Variants in CAMK2D observed in about 807,000 individuals in gnomAD.
CAMK2D encodes calcium/calmodulin dependent protein kinase II delta.
CAMK2D carries 37 observed loss-of-function variants against 84.0 expected under a neutral mutation model. The observed-to-expected ratio is 0.44, with a 90% CI of 0.34 to 0.58. The LOEUF (loss-of-function observed/expected upper bound fraction) is 0.58. Ranked by LOEUF, CAMK2D falls within the 20% of genes least tolerant of loss-of-function variation. CAMK2D has a pLI of 0.02. For synonymous variants in CAMK2D, 202 were observed against 212.5 expected (o/e 0.95, Z 0.43); for missense variants, 448 against 652.5 (o/e 0.69, Z 3.41).
At chr4:113,601,927 G>A (rs2154260707) in intron 4 of CAMK2D, among the ~76,000 whole-genome samples, 1 of 151,950 alleles carries the variant, frequency 6.6e-6, no homozygotes, top group East Asian at 1.9e-4. Context: ...GAACTCCTGG[G>A]CTTAAGCGAT....
intron 16 of CAMK2D, among the ~76,000 whole-genome samples, chr4:113,498,837 A>G (rs2097984119): frequency 6.6e-6 from 1 of 152,210 alleles, no homozygotes; most frequent in Non-Finnish European, 1.5e-5. Flanking sequence ...AATAGCAATG[A>G]TCCTGAACCA....
rs936761550 is a variant in CAMK2D, at chr4:113,454,013, A to C, written c.*532T>G. On this transcript the variant is annotated 3_prime_UTR_variant, in exon 21 of 21. Coordinates refer to ENST00000511664, the MANE Select transcript of CAMK2D (RefSeq NM_001321571.2). ...TCCCACTTTAATTGTTAATCAGCAAAACTTTCAATGAAAAATCATCCATTT... is the reference window on the plus strand; with the variant it reads ...TCCCACTTTAATTGTTAATCAGCAACACTTTCAATGAAAAATCATCCATTT... 1.3e-5 allele frequency: 2 copies of C among 152,330 alleles called. No homozygotes were observed. Among genetic ancestry groups the C allele is most frequent in the African/African-American group, 4.8e-5 (2 of 41,372 alleles). The allele number at this position is 152,330 out of a possible 1,614,324, so 9.4% of individuals were successfully genotyped here.
intron 9 of CAMK2D, among the ~76,000 whole-genome samples, chr4:113,516,789 C>A (rs2098290367): frequency 6.6e-6 from 1 of 152,106 alleles, no homozygotes; most frequent in Admixed American, 6.5e-5. Context: ...CTTAATAACA[C>A]ATGGAAAGCA....
intron 1 of CAMK2D, among the ~76,000 whole-genome samples, chr4:113,760,172 G>A (rs2099637622): frequency 1.3e-5 from 2 of 152,126 alleles, no homozygotes; most frequent in Admixed American, 1.3e-4. Context: ...TTGGCCCCTA[G>A]GTCCCTTTGC....
intron 2 of CAMK2D, among the ~76,000 whole-genome samples, chr4:113,752,184 T>C (rs1374378094): frequency 6.6e-6 from 1 of 151,738 alleles, no homozygotes; most frequent in Admixed American, 6.6e-5. Context: ...TTCTAGTTAT[T>C]GAGTGGAGGC....
At chr4:113,489,202 A>G (rs534211675) in intron 16 of CAMK2D, among the ~76,000 whole-genome samples, 14 of 151,662 alleles carry the variant, frequency 9.2e-5, no homozygotes, top group Admixed American at 2.0e-4. Flanking sequence ...GGTTAGTTAC[A>G]TATGTATACA....
chr4:113,572,302 A>G (rs2098757353), intron 4 of CAMK2D, among the ~76,000 whole-genome samples: 1 of 152,178 alleles, frequency 6.6e-6, no homozygotes, highest in East Asian at 1.9e-4. Context: ...ACCTTCAATC[A>G]TTATTTTACA....
chr4:113,740,023 G>T (rs2099589189), intron 2 of CAMK2D, among the ~76,000 whole-genome samples: 1 of 151,970 alleles, frequency 6.6e-6, no homozygotes. Flanking sequence ...TTAATTATAT[G>T]CACATGTGTT....
At chr4:113,748,566 T>A (rs1662578145) in intron 2 of CAMK2D, among the ~76,000 whole-genome samples, 1 of 152,026 alleles carries the variant, frequency 6.6e-6, no homozygotes, top group Admixed American at 6.6e-5. Context: ...AAAAAAATAC[T>A]AGGAATACCA....
intron 2 of CAMK2D, among the ~76,000 whole-genome samples, chr4:113,694,410 T>A (rs2099396889): frequency 1.3e-5 from 2 of 152,194 alleles, no homozygotes; most frequent in Admixed American, 1.3e-4. Flanking sequence ...AAAAAAGGCA[T>A]CGTGCACATC....
At chr4:113,668,282 A>G (rs571440268) in intron 2 of CAMK2D, among the ~76,000 whole-genome samples, 1 of 152,306 alleles carries the variant, frequency 6.6e-6, no homozygotes, top group East Asian at 1.9e-4. Context: ...GACACACTGT[A>G]AGAGACAAGC....
intron 12 of CAMK2D, among the ~76,000 whole-genome samples, chr4:113,512,633 C>T (rs188417991): frequency 1.9e-3 from 287 of 152,258 alleles, no homozygotes; most frequent in Non-Finnish European, 3.1e-3. Context: ...AGTGCAGTGG[C>T]GTGATCTCTG....
chr4:113,473,424 T>C (rs1667516854), intron 16 of CAMK2D, among the ~76,000 whole-genome samples: 1 of 152,232 alleles, frequency 6.6e-6, no homozygotes, highest in Non-Finnish European at 1.5e-5. Flanking sequence ...CAGTTAATGT[T>C]GGGGAGAGGA....
intron 17 of CAMK2D, among the ~76,000 whole-genome samples, chr4:113,462,802 C>G (rs1235342399): frequency 6.6e-6 from 1 of 151,276 alleles, no homozygotes; most frequent in South Asian, 2.1e-4. Flanking sequence ...TTCTTTTTAA[C>G]AATAACAAAC....
intron 2 of CAMK2D, chr4:113,755,135 A>C (rs930715799): frequency 5.4e-6 from 5 of 929,858 alleles, no homozygotes; most frequent in Non-Finnish European, 6.4e-6. Context: ...TTAGTTTTTA[A>C]CATCCCTTTT....
chr4:113,503,835 A>G (rs184969666), intron 14 of CAMK2D, among the ~76,000 whole-genome samples: 5 of 152,322 alleles, frequency 3.3e-5, no homozygotes, highest in South Asian at 2.1e-4. Context: ...TTCAATATGC[A>G]TACATCAGTG....
chr4:113,650,236 A>G (rs2099167493), intron 3 of CAMK2D, among the ~76,000 whole-genome samples: 1 of 151,550 alleles, frequency 6.6e-6, no homozygotes, highest in Non-Finnish European at 1.5e-5. Context: ...AAGAAATTAG[A>G]CGGCTGGGTG....
intron 4 of CAMK2D, among the ~76,000 whole-genome samples, chr4:113,568,307 A>T (rs150710185): frequency 6.6e-6 from 1 of 152,284 alleles, no homozygotes; most frequent in African/African-American, 2.4e-5. Context: ...TAATTATTTC[A>T]TATAAGTGGA....
intron 13 of CAMK2D, 65 bp downstream of exon 13, chr4:113,509,573 T>TAACA (rs756710933): frequency 1.6e-4 from 159 of 1,019,974 alleles, no homozygotes; most frequent in Non-Finnish European, 2.3e-4. Flanking sequence ...GAATTATATA[T>TAACA]AACATTTAAA....
Sources: gnomAD v4.1 joint callset for allele counts (sites outside exome capture counted in the v4.1 genomes callset) on GRCh38, gnomAD v4.1.1 for gene constraint, MANE v1.5 for transcripts, NCBI Gene and HGNC (gene_info 2026-07-23, HGNC 2026-07-21) for gene names.